PYM1: variants seen among roughly 807,000 people sequenced by gnomAD.
The protein encoded by PYM1 is partner of Y14 and mago.
PYM1 carries 7 observed loss-of-function variants against 20.7 expected under a neutral mutation model. The ratio of observed to expected loss-of-function variants is 0.34; its 90% confidence interval spans 0.19 to 0.64. PYM1 has a LOEUF of 0.64. PYM1 is among the 30% of genes least tolerant of loss of function. PYM1 has a pLI of 0.74. For missense variants in PYM1, 194 were observed against 250.0 expected, an observed-to-expected ratio of 0.78 and a Z score of 1.51; for synonymous variants, 100 against 99.2, an observed-to-expected ratio of 1.01 and a Z score of -0.05.
At chr12:55,920,244 T>C (rs1883075262) in intron 1 of PYM1, among the ~76,000 whole-genome samples, 1 of 151,848 alleles carries the variant, frequency 6.6e-6, no homozygotes, top group African/African-American at 2.4e-5. Context: ...TGCTCATGCC[T>C]ATAATCCCAA....
At chr12:55,922,433 G>A (rs1188692482) in intron 1 of PYM1, among the ~76,000 whole-genome samples, 1 of 109,546 alleles carries the variant, frequency 9.1e-6, no homozygotes, top group Non-Finnish European at 1.7e-5. Flanking sequence ...AACATAGTGA[G>A]ACCATCTTTA....
At chr12:55,902,425 C>T in intron 2 of PYM1, 70 bp from the exon 3 acceptor site, 11 of 1,522,630 alleles carry the variant, frequency 7.2e-6, no homozygotes, top group Non-Finnish European at 8.8e-6. Flanking sequence ...CTTAAACTTC[C>T]AAACACTTCA....
chr12:55,916,614 A>G (rs1279048029), intron 1 of PYM1, among the ~76,000 whole-genome samples: 1 of 151,968 alleles, frequency 6.6e-6, no homozygotes, highest in African/African-American at 2.4e-5. Context: ...CCTGACCAAC[A>G]TGGAGAAAGC....
chr12:55,913,237 T>A (rs893003347), intron 1 of PYM1, among the ~76,000 whole-genome samples: 4 of 152,196 alleles, frequency 2.6e-5, no homozygotes, highest in African/African-American at 9.7e-5. Context: ...ATGCTTAACA[T>A]AATTATTTGC....
chr12:55,910,424 C>A (rs577345066), intron 1 of PYM1, among the ~76,000 whole-genome samples: 2 of 151,760 alleles, frequency 1.3e-5, no homozygotes, highest in Non-Finnish European at 2.9e-5. Flanking sequence ...GGGACTACAG[C>A]GCATCACCAC....
At chr12:55,904,073 T>G (rs1882741375) in intron 1 of PYM1, among the ~76,000 whole-genome samples, 1 of 152,024 alleles carries the variant, frequency 6.6e-6, no homozygotes, top group Admixed American at 6.6e-5. Context: ...GGTTAGGTGA[T>G]TCTCCTGCCT....
intron 1 of PYM1, chr12:55,927,083 C>A: frequency 6.6e-7 from 1 of 1,523,916 alleles, no homozygotes; most frequent in South Asian, 1.2e-5. Context: ...CACCGCCGGT[C>A]TCGTCAGTAA....
At position 55,901,774 on chromosome 12, in the gene PYM1, T is replaced by TG. The variant is rs1882692621; in HGVS notation, c.*97dup. 5 of 1,490,276 alleles carry TG rather than the reference T, an allele frequency of 3.4e-6. No homozygotes were observed. Among genetic ancestry groups the TG allele is most frequent in the South Asian group, 1.4e-5 (1 of 73,630 alleles). The allele number at this position is 1,490,276 out of a possible 1,614,324, so 92.3% of individuals were successfully genotyped here. On this transcript the variant is annotated 3_prime_UTR_variant, in exon 3 of 3. Transcript: ENST00000408946. ...CGCAGGAGGTGGAAGTAAGCCAGTA[T>TG]GGGGGGTACCCCTCCTGACTGCTGT... is the stretch of plus-strand genomic sequence containing the variant.
chr12:55,915,386 TACAAATTAA>T (rs1882989217), intron 1 of PYM1, among the ~76,000 whole-genome samples: 1 of 151,072 alleles, frequency 6.6e-6, no homozygotes, highest in Non-Finnish European at 1.5e-5. Flanking sequence ...GAGGCCAGAC[TACAAATTAA>T]ACAAAATAAA....
chr12:55,927,328 C>T (rs1283293744), intron 1 of PYM1: 2 of 767,310 alleles, frequency 2.6e-6, no homozygotes, highest in Non-Finnish European at 2.3e-6. Flanking sequence ...CATTACTGAG[C>T]GCTTGCTGCC....
chr12:55,927,641 G>C (rs1883219776), intron 1 of PYM1, 84 bp downstream of exon 1: 1 of 1,503,624 alleles, frequency 6.7e-7, no homozygotes, highest in African/African-American at 1.4e-5. Flanking sequence ...GAATTCGTGT[G>C]CCGATTGCTG....
intron 1 of PYM1, among the ~76,000 whole-genome samples, chr12:55,920,575 T>C (rs545796073): frequency 1.3e-5 from 2 of 151,086 alleles, no homozygotes; most frequent in East Asian, 3.9e-4. Flanking sequence ...GAGGTGGAGA[T>C]TGTAGTGAGC....
intron 1 of PYM1, among the ~76,000 whole-genome samples, chr12:55,904,970 A>G (rs1047115379): frequency 6.6e-6 from 1 of 151,846 alleles, no homozygotes. Context: ...ATTTTATAAT[A>G]TGCATATCAT....
chr12:55,909,547 A>C (rs957572835), intron 1 of PYM1, among the ~76,000 whole-genome samples: 1 of 152,070 alleles, frequency 6.6e-6, no homozygotes, highest in African/African-American at 2.4e-5. Context: ...GCAGTGTTTC[A>C]GAGTATTTAA....
chr12:55,909,131 G>C (rs1882876555), intron 1 of PYM1, among the ~76,000 whole-genome samples: 1 of 152,110 alleles, frequency 6.6e-6, no homozygotes, highest in Non-Finnish European at 1.5e-5. Context: ...ACTTTACTGG[G>C]TGAGTAAAAC....
chr12:55,905,979 TTATATATA>T, intron 1 of PYM1, among the ~76,000 whole-genome samples: 1 of 130,074 alleles, frequency 7.7e-6, no homozygotes, highest in African/African-American at 3.2e-5. Context: ...ATATATATTA[TTATATATA>T]ATATAAAATA....
chr12:55,905,724 G>GTATA (rs58962927), intron 1 of PYM1, among the ~76,000 whole-genome samples: 5,094 of 126,820 alleles, frequency 0.04, 161 homozygotes, highest in African/African-American at 0.083. Flanking sequence ...ATATATATAT[G>GTATA]TATATATATA....
rs917782370 is a variant in PYM1, at chr12:55,901,790, T to C, written c.*82A>G. On this transcript the variant is annotated 3_prime_UTR_variant, in exon 3 of 3. Coordinates refer to ENST00000408946, the MANE Select transcript of PYM1 (RefSeq NM_032345.3). Reference sequence around the variant, plus strand: ...AAGCCAGTATGGGGGGTACCCCTCCTGACTGCTGTTGCCCGTATTCCCCCA... The same window carrying C: ...AAGCCAGTATGGGGGGTACCCCTCCCGACTGCTGTTGCCCGTATTCCCCCA... The C allele has an allele frequency of 7.2e-5, 110 of 1,517,842 alleles. No homozygotes were observed. Among genetic ancestry groups the C allele is most frequent in the Non-Finnish European group, 9.1e-5 (104 of 1,137,496 alleles). The allele number at this position is 1,517,842 out of a possible 1,614,324, so 94.0% of individuals were successfully genotyped here.
At chr12:55,920,421 T>C (rs751112262) in intron 1 of PYM1, among the ~76,000 whole-genome samples, 2 of 152,012 alleles carry the variant, frequency 1.3e-5, no homozygotes, top group African/African-American at 2.4e-5. Flanking sequence ...GGCGATCCTT[T>C]GAGGCCAGGA....
Sources: allele counts gnomAD v4.1 joint callset (sites outside exome capture counted in the v4.1 genomes callset), GRCh38; gene constraint gnomAD v4.1.1; transcripts MANE v1.5; gene names NCBI Gene and HGNC (gene_info 2026-07-23, HGNC 2026-07-21).